Variants in CHP1 observed in about 807,000 individuals in gnomAD.
The protein encoded by CHP1 is calcineurin B homologous protein 1.
Under a neutral mutation model 27.4 loss-of-function variants are expected in CHP1, and 11 were observed. That is an observed-to-expected ratio of 0.40 (90% CI 0.25 to 0.67). The LOEUF is 0.67. Ranked by LOEUF, CHP1 falls within the 30% of genes least tolerant of loss-of-function variation. The pLI, the probability that CHP1 is intolerant of heterozygous loss-of-function variation, is 0.38. For missense variants in CHP1, 169 were observed against 251.3 expected, an observed-to-expected ratio of 0.67 and a Z score of 2.22; for synonymous variants, 89 against 87.4, an observed-to-expected ratio of 1.02 and a Z score of -0.10.
intron 5 of CHP1, among the ~76,000 whole-genome samples, chr15:41,274,758 G>T (rs996788198): frequency 3.0e-4 from 44 of 148,670 alleles, no homozygotes; most frequent in Non-Finnish European, 5.4e-4. Context: ...CAAATGGGTT[G>T]TCTATTGATT....
At chr15:41,272,942 A>G (rs1408481063) in intron 5 of CHP1, among the ~76,000 whole-genome samples, 3 of 151,980 alleles carry the variant, frequency 2.0e-5, no homozygotes. Flanking sequence ...CTGTAGTCCC[A>G]GTTACTCGGG....
chr15:41,279,480 C>G lies in CHP1; in HGVS notation c.*91C>G, dbSNP rs1195006011. 9.4e-7 allele frequency: 1 copy of G among 1,066,680 alleles called. No homozygotes were observed. The highest frequency in any genetic ancestry group is 1.4e-6 in the Non-Finnish European group (1 of 699,460). 66.1% of individuals were successfully genotyped at this position (1,066,680 alleles called of 1,614,324 possible). ...CAACTCCACCTCCACCCCCTCATTC[C>G]CCTTCTCCCAAAGTACTACTGCTGT... On this transcript the variant is annotated 3_prime_UTR_variant, in exon 7 of 7. Transcript: ENST00000334660.
Position 41,260,952 on chromosome 15 carries a change from C to T in CHP1, c.222-1804C>T, listed in dbSNP as rs530652654. On this transcript the variant is annotated intron_variant, in intron 3 of 6. Coordinates refer to ENST00000334660, the MANE Select transcript of CHP1 (RefSeq NM_007236.5). ...GGGCTGGAGTGCAGTGGCGCAGTCT[C>T]GGCTCACGCAACTTCTGCCTCCTGT... Among the ~76,000 whole-genome samples the T allele has an allele frequency of 7.0e-4, 105 of 149,604 alleles. 1 individual carries two copies. The highest frequency in any genetic ancestry group is 1.5e-3 in the Admixed American group (23 of 15,068).
At chr15:41,236,208 T>G (rs1198438365) in intron 1 of CHP1, among the ~76,000 whole-genome samples, 1 of 151,610 alleles carries the variant, frequency 6.6e-6, no homozygotes, top group Non-Finnish European at 1.5e-5. Flanking sequence ...ACTTTCAAAG[T>G]ACTGGGATTA....
rs970328652 is a variant in CHP1, at chr15:41,233,859, C to A, written c.67+2410C>A. Among the ~76,000 whole-genome samples the A allele has an allele frequency of 2.0e-5, 3 of 152,090 alleles. No individual in the cohort carries two copies. The South Asian group carries it at 6.2e-4, about 32-fold the overall frequency. ...TTTGGGTGACTTCCAGGAGAGATCT[C>A]CCCCTAAGCCTGCTACAAAGTCATT... On this transcript the variant is annotated intron_variant, in intron 1 of 6. Transcript: ENST00000334660.
At chr15:41,273,795 G>T (rs1281427385) in intron 5 of CHP1, among the ~76,000 whole-genome samples, 1 of 151,262 alleles carries the variant, frequency 6.6e-6, no homozygotes, top group African/African-American at 2.4e-5. Context: ...ATAATAGTAG[G>T]CTGGGTGTGG....
intron 2 of CHP1, among the ~76,000 whole-genome samples, chr15:41,250,078 T>C (rs1422490855): frequency 1.4e-5 from 2 of 144,018 alleles, no homozygotes; most frequent in African/African-American, 2.6e-5. Context: ...GGTCTATCAA[T>C]AGGTGTTATG....
At chr15:41,273,473 C>T (rs2047501486) in intron 5 of CHP1, among the ~76,000 whole-genome samples, 1 of 151,988 alleles carries the variant, frequency 6.6e-6, no homozygotes, top group Admixed American at 6.6e-5. Flanking sequence ...CATCCGCCTC[C>T]CAAGTTCAAG....
chr15:41,267,883 A>G (rs952528535), intron 4 of CHP1, among the ~76,000 whole-genome samples: 2 of 148,116 alleles, frequency 1.4e-5, no homozygotes, highest in African/African-American at 5.0e-5. Context: ...GCAGTGAGCC[A>G]TGATTGCACC....
chr15:41,271,847 G>T (rs1595482256), intron 5 of CHP1, among the ~76,000 whole-genome samples: 1 of 152,218 alleles, frequency 6.6e-6, no homozygotes, highest in East Asian at 1.9e-4. Context: ...TCAGCGAGAA[G>T]CGTTTATTTT....
chr15:41,243,391 G>T (rs1343018441), intron 1 of CHP1, among the ~76,000 whole-genome samples: 3 of 152,136 alleles, frequency 2.0e-5, no homozygotes, highest in Non-Finnish European at 4.4e-5. Context: ...GACAAAATTT[G>T]CCTTTGTTTT....
chr15:41,258,048 CT>C (rs910146020), intron 3 of CHP1, among the ~76,000 whole-genome samples: 4 of 152,188 alleles, frequency 2.6e-5, no homozygotes, highest in South Asian at 2.1e-4. Flanking sequence ...TTCCCTCTCT[CT>C]TTCCCCTCTC....
At chr15:41,261,717 G>A (rs1370203186) in intron 3 of CHP1, among the ~76,000 whole-genome samples, 1 of 151,942 alleles carries the variant, frequency 6.6e-6, no homozygotes, top group Non-Finnish European at 1.5e-5. Context: ...AATTAGGCTG[G>A]GTGCAGCAGC....
chr15:41,231,305 C>T lies in CHP1; in HGVS notation c.-78C>T. ...GCCCTCTCCCTTCTTGACCCCTAGCCCTTCCTTCCCTCCCTCCTTCCCTCC... is the reference window on the plus strand; with the variant it reads ...GCCCTCTCCCTTCTTGACCCCTAGCTCTTCCTTCCCTCCCTCCTTCCCTCC... On this transcript the variant is annotated 5_prime_UTR_variant, in exon 1 of 7. Transcript: ENST00000334660. 2 of 1,377,972 alleles carry T rather than the reference C, an allele frequency of 1.5e-6. No individual in the cohort carries two copies. The highest frequency in any genetic ancestry group is 2.0e-6 in the Non-Finnish European group (2 of 988,816). The allele number at this position is 1,377,972 out of a possible 1,614,324, so 85.4% of individuals were successfully genotyped here.
At chr15:41,243,777 A>G (rs763400121) in intron 2 of CHP1, 38 bp downstream of exon 2, 5 of 1,586,960 alleles carry the variant, frequency 3.2e-6, no homozygotes, top group Admixed American at 1.7e-5. Context: ...CACAGAAACC[A>G]GAAACCCTCT....
chr15:41,276,495 T>C (rs1465362289), intron 5 of CHP1, among the ~76,000 whole-genome samples: 4 of 152,200 alleles, frequency 2.6e-5, no homozygotes, highest in Non-Finnish European at 5.9e-5. Context: ...AAGTTGCTTA[T>C]TTTGTTTAAG....
In CHP1 at chr15:41,279,493, G is replaced by C; in HGVS notation, c.*104G>C. The stretch of plus-strand genomic sequence containing the variant: ...ACCCCCTCATTCCCCTTCTCCCAAA[G>C]TACTACTGCTGTTGCATGACAACCC... On this transcript the variant is annotated 3_prime_UTR_variant, in exon 7 of 7. Coordinates refer to ENST00000334660, the MANE Select transcript of CHP1 (RefSeq NM_007236.5). 1.1e-6 allele frequency: 1 copy of C among 939,606 alleles called. No individual in the cohort carries two copies. Among genetic ancestry groups the C allele is most frequent in the Non-Finnish European group, 1.7e-6 (1 of 594,254 alleles). 58.2% of individuals were successfully genotyped at this position (939,606 alleles called of 1,614,324 possible).
At chr15:41,272,708 A>G (rs942773363) in intron 5 of CHP1, among the ~76,000 whole-genome samples, 9 of 151,632 alleles carry the variant, frequency 5.9e-5, no homozygotes, top group Non-Finnish European at 1.3e-4. Flanking sequence ...GGCGTGAGCC[A>G]CCGTACCCAG....
Position 41,270,612 on chromosome 15 carries a change from GT to G in CHP1, c.407del (p.Leu136TyrfsTer6). On this transcript the variant is annotated frameshift_variant, in exon 5 of 7. Coordinates refer to ENST00000334660, the MANE Select transcript of CHP1 (RefSeq NM_007236.5). LOFTEE classifies it high-confidence loss of function. ...ATGAAAAGATCTCCCGTGATGAGCT[GT>G]TACAGGTATGTGGAGAGCTCCTCGA... ...KDEKISRDEL[L>X]QVLRMMVGVN... 1 of 1,613,014 alleles carries G rather than the reference GT, an allele frequency of 6.2e-7. No individual in the cohort carries two copies. Among genetic ancestry groups the G allele is most frequent in the Non-Finnish European group, 8.5e-7 (1 of 1,178,992 alleles).
Sources: allele counts gnomAD v4.1 joint callset (sites outside exome capture counted in the v4.1 genomes callset), GRCh38; gene constraint gnomAD v4.1.1; transcripts MANE v1.5; gene names NCBI Gene and HGNC (gene_info 2026-07-23, HGNC 2026-07-21).